The following DIPK1A variants were observed in gnomAD, a reference collection of about 807,000 sequenced individuals.
The protein encoded by DIPK1A is divergent protein kinase domain 1A.
Under a neutral mutation model 40.8 loss-of-function variants are expected in DIPK1A, and 27 were observed. That is an observed-to-expected ratio of 0.66 (90% CI 0.49 to 0.91). DIPK1A has a LOEUF of 0.91. Among genes scored for constraint, DIPK1A ranks in the 40% least tolerant of loss-of-function variants. The pLI is 0.00. For missense variants in DIPK1A, 412 were observed against 505.7 expected (o/e 0.81, Z 1.78); for synonymous variants, 166 against 171.3 (o/e 0.97, Z 0.24).
chr1:92,940,998 T>C (rs1174579806), intron 1 of DIPK1A, among the ~76,000 whole-genome samples: 4 of 28,590 alleles, frequency 1.4e-4, no homozygotes, highest in South Asian at 3.2e-3. Context: ...GAGTTCTTTG[T>C]ATATTCCAGA....
chr1:92,896,474 C>G (rs1253841512), intron 1 of DIPK1A, among the ~76,000 whole-genome samples: 1 of 152,048 alleles, frequency 6.6e-6, no homozygotes. Context: ...GAAACTGGAT[C>G]CCTTCCTTAC....
intron 1 of DIPK1A, among the ~76,000 whole-genome samples, chr1:92,935,292 C>T (rs1191088999): frequency 6.6e-6 from 1 of 152,080 alleles, no homozygotes; most frequent in Non-Finnish European, 1.5e-5. Context: ...TTGACATTCC[C>T]GTTCAGTGTT....
At chr1:92,835,100 C>A in intron 4 of DIPK1A, 1 of 781,688 alleles carries the variant, frequency 1.3e-6, no homozygotes, top group Non-Finnish European at 2.1e-6. Context: ...TGCAATGACA[C>A]AAATCTGTAA....
At chr1:92,934,669 A>G (rs574222336) in intron 1 of DIPK1A, among the ~76,000 whole-genome samples, 1 of 152,282 alleles carries the variant, frequency 6.6e-6, no homozygotes, top group South Asian at 2.1e-4. Flanking sequence ...TGAAACATAG[A>G]TACTATGGAA....
chr1:92,933,295 A>T (rs921277484), intron 1 of DIPK1A: 1 of 152,224 alleles, frequency 6.6e-6, no homozygotes, highest in African/African-American at 2.4e-5. Flanking sequence ...TTCTAAGAAG[A>T]AACTGAAAAG....
At chr1:92,954,585 G>A (rs1651771633) in intron 1 of DIPK1A, among the ~76,000 whole-genome samples, 1 of 151,700 alleles carries the variant, frequency 6.6e-6, no homozygotes, top group Non-Finnish European at 1.5e-5. Flanking sequence ...ACATTGGCCA[G>A]ACTGGTCTCA....
intron 1 of DIPK1A, among the ~76,000 whole-genome samples, chr1:92,908,641 G>C (rs921337984): frequency 6.6e-6 from 1 of 152,126 alleles, no homozygotes; most frequent in Non-Finnish European, 1.5e-5. Context: ...ATGAAGGGGA[G>C]GACAGACATA....
intron 1 of DIPK1A, among the ~76,000 whole-genome samples, chr1:92,884,176 A>G (rs1224701570): frequency 6.6e-6 from 1 of 152,186 alleles, no homozygotes; most frequent in African/African-American, 2.4e-5. Flanking sequence ...TCATGATATT[A>G]AGAGCGGTGG....
At chr1:92,911,594 T>G (rs900091580) in intron 1 of DIPK1A, among the ~76,000 whole-genome samples, 1 of 152,218 alleles carries the variant, frequency 6.6e-6, no homozygotes, top group African/African-American at 2.4e-5. Context: ...CTGATTCCAC[T>G]TTTGGGGTAT....
Position 92,847,211 on chromosome 1 carries a change from A to C in DIPK1A, c.446T>G (p.Phe149Cys), listed in dbSNP as rs1687669410. Residue 149 changes from phenylalanine (F) to cysteine (C), a missense_variant, in exon 4 of 5, where the codon TTT becomes TGT. Coordinates refer to ENST00000370310, the MANE Select transcript of DIPK1A (RefSeq NM_001006605.5). ...AAAGAGACTATAGACCATTTCTTTAAATTTTTGTACAGTAGTTCCTCTAGT... is the reference window on the plus strand; with the variant it reads ...AAAGAGACTATAGACCATTTCTTTACATTTTTGTACAGTAGTTCCTCTAGT... ...KPTRGTTVQK[F>C]KEMVYSLFKA... 1 of 1,583,520 alleles carries C rather than the reference A, an allele frequency of 6.3e-7. No homozygotes were observed. Among genetic ancestry groups the C allele is most frequent in the African/African-American group, 1.4e-5 (1 of 74,052 alleles).
intron 1 of DIPK1A, among the ~76,000 whole-genome samples, chr1:92,919,392 G>C (rs1457766469): frequency 6.6e-6 from 1 of 152,126 alleles, no homozygotes; most frequent in Non-Finnish European, 1.5e-5. Flanking sequence ...CAATACCAAA[G>C]TACTTATTGT....
At chr1:92,904,725 A>G (rs1426645090) in intron 1 of DIPK1A, among the ~76,000 whole-genome samples, 2 of 152,084 alleles carry the variant, frequency 1.3e-5, no homozygotes, top group Non-Finnish European at 2.9e-5. Context: ...GACTATAATT[A>G]CTGTTGTGCT....
chr1:92,879,929 G>T (rs1395056650), intron 1 of DIPK1A, among the ~76,000 whole-genome samples: 1 of 152,166 alleles, frequency 6.6e-6, no homozygotes, highest in Non-Finnish European at 1.5e-5. Flanking sequence ...AGCTAGTAAT[G>T]GTATGTTGCT....
chr1:92,836,769 G>A (rs1184169767), intron 4 of DIPK1A: 1 of 220,308 alleles, frequency 4.5e-6, no homozygotes, highest in African/African-American at 2.3e-5. Flanking sequence ...GTGGATCCTA[G>A]AATTTTATAA....
intron 1 of DIPK1A, chr1:92,932,910 A>T (rs1650810655): frequency 6.6e-6 from 1 of 152,190 alleles, no homozygotes; most frequent in South Asian, 2.1e-4. Context: ...TCAAGAGTAA[A>T]CCCTAATGTA....
chr1:92,900,811 A>G (rs141432485), intron 1 of DIPK1A, among the ~76,000 whole-genome samples: 240 of 151,792 alleles, frequency 1.6e-3, no homozygotes, highest in African/African-American at 5.6e-3. Flanking sequence ...GCTAAAAGGT[A>G]TATCATACAG....
At chr1:92,943,013 A>G (rs542887636) in intron 1 of DIPK1A, among the ~76,000 whole-genome samples, 1 of 152,344 alleles carries the variant, frequency 6.6e-6, no homozygotes, top group South Asian at 2.1e-4. Flanking sequence ...ATGAAGATAA[A>G]TAGGGTAGGT....
At chr1:92,960,210 C>T (rs1557502854) in intron 1 of DIPK1A, among the ~76,000 whole-genome samples, 2 of 152,056 alleles carry the variant, frequency 1.3e-5, no homozygotes, top group Admixed American at 1.3e-4. Flanking sequence ...CGCTTAATAT[C>T]ATGGGTTGTC....
At chr1:92,840,510 A>G (rs1376302489), downstream of DIPK1A, 1 of 1,458,992 alleles carries the variant, frequency 6.9e-7, no homozygotes, top group Non-Finnish European at 9.6e-7. Context: ...AGTAGGGCAC[A>G]TGAAATGAAA....
Sources: gnomAD v4.1 joint callset for allele counts (sites outside exome capture counted in the v4.1 genomes callset) on GRCh38, gnomAD v4.1.1 for gene constraint, MANE v1.5 for transcripts, NCBI Gene and HGNC (gene_info 2026-07-23, HGNC 2026-07-21) for gene names.